Variants in CWF19L2 observed in about 807,000 individuals in gnomAD.
The protein encoded by CWF19L2 is CWF19 like cell cycle control factor 2.
A neutral mutation model predicts 111.7 loss-of-function variants in CWF19L2; 98 were observed. The ratio of observed to expected loss-of-function variants is 0.88; its 90% confidence interval spans 0.75 to 1.04. The LOEUF (loss-of-function observed/expected upper bound fraction) is 1.04, where lower values mean the gene tolerates loss of function less well. Ranked by LOEUF, CWF19L2 falls within the 50% of genes least tolerant of loss-of-function variation. The probability of loss-of-function intolerance (pLI) is 0.00; values close to 1 mark genes in which losing one functional copy is unlikely to be tolerated. For missense variants in CWF19L2, 1,101 were observed against 1,051.4 expected (o/e 1.05, Z -0.65); for synonymous variants, 351 against 342.9 (o/e 1.02, Z -0.26).
In CWF19L2 at chr11:107,457,726, C is replaced by T; in HGVS notation, c.91G>A (p.Glu31Lys). The T allele has an allele frequency of 6.4e-7, 1 of 1,551,470 alleles. No homozygotes were observed. The highest frequency in any genetic ancestry group is 8.7e-7 in the Non-Finnish European group (1 of 1,146,746). ...RKEQTRNARAEVLRQAKANFE... is the reference protein window; with the variant it reads ...RKEQTRNARAKVLRQAKANFE... Reference sequence around the variant, plus strand: ...AACAGAGGTACCTGGCGCAACACCTCGGCCCTGGCATTCCGGGTCTGTTCT... The same window carrying T: ...AACAGAGGTACCTGGCGCAACACCTTGGCCCTGGCATTCCGGGTCTGTTCT... The change falls in exon 1 of 18, where the codon GAG becomes AAG. Residue 31 changes from glutamate (E) to lysine (K), a missense_variant. Coordinates refer to ENST00000282251, the MANE Select transcript of CWF19L2 (RefSeq NM_152434.3).
Position 107,370,527 on chromosome 11 carries a change from A to G in CWF19L2, c.1873-16791T>C, listed in dbSNP as rs188316671. ...TGGCACAAGAATGAGTCATTCTTTC[A>G]TAAGTGATTGTTTCTTCAAGGGAAA... is the stretch of plus-strand genomic sequence containing the variant. On this transcript the variant is annotated intron_variant, in intron 12 of 17. Coordinates refer to ENST00000282251, the MANE Select transcript of CWF19L2 (RefSeq NM_152434.3). Among the ~76,000 whole-genome samples, 450 of 110,136 alleles carry G rather than the reference A, an allele frequency of 4.1e-3. 69 individuals are homozygous for G. Among genetic ancestry groups the G allele is most frequent in the Middle Eastern group, 0.014 (3 of 220 alleles). The allele number at this position is 110,136 out of a possible 152,430, so 72.3% of individuals were successfully genotyped here.
At chr11:107,410,628 G>A (rs895625370) in intron 10 of CWF19L2, among the ~76,000 whole-genome samples, 3 of 152,178 alleles carry the variant, frequency 2.0e-5, no homozygotes, top group Non-Finnish European at 4.4e-5. Context: ...CTCAAAGATA[G>A]GAGGAGCTAG....
chr11:107,390,010 G>T, intron 12 of CWF19L2, 64 bp downstream of exon 12: 1 of 1,389,334 alleles, frequency 7.2e-7, no homozygotes, highest in South Asian at 1.3e-5. Flanking sequence ...CCAAAAAGCA[G>T]ATCACTGTTA....
intron 16 of CWF19L2, among the ~76,000 whole-genome samples, chr11:107,332,336 C>G (rs1859861914): frequency 1.3e-5 from 2 of 152,136 alleles, no homozygotes. Flanking sequence ...CATGCAATTC[C>G]TCTGCATTGA....
At position 107,379,495 on chromosome 11, in the gene CWF19L2, C is replaced by T. The variant is rs539194868; in HGVS notation, c.1872+10579G>A. Among the ~76,000 whole-genome samples the T allele has an allele frequency of 4.6e-5, 7 of 152,362 alleles. No individual in the cohort carries two copies. The South Asian group carries it at 1.4e-3, about 32-fold the overall frequency. ...TCAAGAGGGATTCTGATTCTGATAACTGCACATGAAAAGTTCTTTTGTATC... is the reference window on the plus strand; with the variant it reads ...TCAAGAGGGATTCTGATTCTGATAATTGCACATGAAAAGTTCTTTTGTATC... On this transcript the variant is annotated intron_variant, in intron 12 of 17. Transcript: ENST00000282251.
intron 8 of CWF19L2, among the ~76,000 whole-genome samples, chr11:107,422,676 T>G (rs1029658714): frequency 1.1e-4 from 16 of 152,016 alleles, no homozygotes; most frequent in African/African-American, 3.6e-4. Context: ...TATCTGGTAT[T>G]ATTAGTTTTC....
intron 10 of CWF19L2, among the ~76,000 whole-genome samples, chr11:107,406,422 T>C (rs1373096028): frequency 6.6e-6 from 1 of 152,196 alleles, no homozygotes; most frequent in African/African-American, 2.4e-5. Context: ...CACAAGTTGT[T>C]CCCTACACAC....
intron 3 of CWF19L2, among the ~76,000 whole-genome samples, chr11:107,453,185 GA>G (rs1394634971): frequency 6.6e-6 from 1 of 152,180 alleles, no homozygotes; most frequent in Non-Finnish European, 1.5e-5. Context: ...GTTCTTCAGA[GA>G]AATATCACAC....
intron 13 of CWF19L2, among the ~76,000 whole-genome samples, chr11:107,349,635 G>A (rs201613673): frequency 2.1e-5 from 3 of 140,102 alleles, no homozygotes; most frequent in Admixed American, 1.4e-4. Context: ...AAAAAAAAAA[G>A]GTTAATCGGT....
At position 107,418,689 on chromosome 11, in the gene CWF19L2, G is replaced by A. The variant is rs76827506; in HGVS notation, c.1434-402C>T. The stretch of plus-strand genomic sequence containing the variant: ...TTAATAATCTAAGAAACTATAAAAT[G>A]ATATATATATCTAACTGCATTCAAA... On this transcript the variant is annotated intron_variant, in intron 8 of 17. Transcript: ENST00000282251. 4.3e-3 allele frequency among the ~76,000 whole-genome samples: 658 copies of A among 152,216 alleles called. 2 individuals are homozygous for A. Among genetic ancestry groups the A allele is most frequent in the African/African-American group, 0.013 (543 of 41,540 alleles).
rs1860865419 is a variant in CWF19L2 at position 107,392,660 on chromosome 11, T to C, written c.1734+119A>G. 7.0e-6 allele frequency: 4 copies of C among 570,060 alleles called. No individual in the cohort carries two copies. The Admixed American group carries it at 1.5e-4, about 21-fold the overall frequency. The allele number at this position is 570,060 out of a possible 1,614,324, so 35.3% of individuals were successfully genotyped here. A position where few individuals can be genotyped will look rare whatever the true frequency, so the allele number is the denominator to read the frequency against. On this transcript the variant is annotated intron_variant, in intron 11 of 17. Coordinates refer to ENST00000282251, the MANE Select transcript of CWF19L2 (RefSeq NM_152434.3). ...AGTAGTAACAACATCATTTCCTACC[T>C]TCCAATATTGGCATTCAAAAGCCAC...
intron 10 of CWF19L2, chr11:107,403,935 G>T: frequency 1.1e-6 from 1 of 873,900 alleles, no homozygotes; most frequent in South Asian, 1.3e-5. Flanking sequence ...GACTGGACCT[G>T]TCGTTTAAGG....
intron 12 of CWF19L2, among the ~76,000 whole-genome samples, chr11:107,361,250 G>C (rs182584816): frequency 5.3e-5 from 8 of 152,304 alleles, no homozygotes; most frequent in Non-Finnish European, 7.3e-5. Context: ...CTTTGTCAAA[G>C]ATCAGTTGAT....
intron 8 of CWF19L2, among the ~76,000 whole-genome samples, chr11:107,424,734 A>G (rs1050509184): frequency 3.3e-5 from 5 of 151,926 alleles, no homozygotes; most frequent in African/African-American, 1.2e-4. Context: ...AACAAGAATT[A>G]AATTGTTTAT....
chr11:107,409,524 T>C (rs1030591958), intron 10 of CWF19L2, among the ~76,000 whole-genome samples: 7 of 152,150 alleles, frequency 4.6e-5, no homozygotes, highest in Admixed American at 4.6e-4. Flanking sequence ...CGTTATCTTT[T>C]CTTATAAAGT....
intron 14 of CWF19L2, among the ~76,000 whole-genome samples, chr11:107,346,850 C>A (rs1860087597): frequency 6.6e-6 from 1 of 152,032 alleles, no homozygotes; most frequent in Admixed American, 6.5e-5. Context: ...GGCAAGTGGG[C>A]TTAGATGACA....
rs377318324 is a variant in CWF19L2, at chr11:107,418,181, C to A, written c.1527+13G>T. On this transcript the variant is annotated intron_variant, in intron 9 of 17. Transcript: ENST00000282251. Reference sequence around the variant, plus strand: ...TAATCATTATTCTCTAAAGCAACATCTAAGAGTCTTACCATATTCCCCATC... The same window carrying A: ...TAATCATTATTCTCTAAAGCAACATATAAGAGTCTTACCATATTCCCCATC... 5 of 1,503,152 alleles carry A rather than the reference C, an allele frequency of 3.3e-6. No individual in the cohort carries two copies. In the African/African-American group the frequency reaches 4.1e-5, roughly 12 times the overall value. The allele number at this position is 1,503,152 out of a possible 1,614,324, so 93.1% of individuals were successfully genotyped here. A position where few individuals can be genotyped will look rare whatever the true frequency, so the allele number is the denominator to read the frequency against.
At chr11:107,382,432 C>T (rs1860700683) in intron 12 of CWF19L2, among the ~76,000 whole-genome samples, 1 of 152,166 alleles carries the variant, frequency 6.6e-6, no homozygotes, top group African/African-American at 2.4e-5. Context: ...TCATTTAATT[C>T]TCTCAAAGTC....
intron 14 of CWF19L2, chr11:107,345,602 C>A: frequency 2.9e-6 from 1 of 345,144 alleles, no homozygotes; most frequent in South Asian, 2.5e-5. Context: ...ATATATAAAC[C>A]TCATACTAAT....
Sources: allele counts gnomAD v4.1 joint callset (sites outside exome capture counted in the v4.1 genomes callset), GRCh38; gene constraint gnomAD v4.1.1; transcripts MANE v1.5; gene names NCBI Gene and HGNC (gene_info 2026-07-23, HGNC 2026-07-21).